Variants in METTL24 observed in about 807,000 individuals in gnomAD.
METTL24 encodes probable methyltransferase-like protein 24.
METTL24 carries 29 observed loss-of-function variants against 32.7 expected under a neutral mutation model. That is an observed-to-expected ratio of 0.89 (90% CI 0.66 to 1.21). METTL24 has a LOEUF of 1.21. Ranked by LOEUF, METTL24 falls within the 50% of genes most tolerant of loss-of-function variation. The pLI is 0.00. For missense variants in METTL24, 439 were observed against 468.1 expected (o/e 0.94, Z 0.57); for synonymous variants, 163 against 179.5 (o/e 0.91, Z 0.73).
intron 4 of METTL24, among the ~76,000 whole-genome samples, chr6:110,251,047 A>G (rs927857178): frequency 6.6e-6 from 1 of 152,238 alleles, no homozygotes; most frequent in African/African-American, 2.4e-5. Context: ...CCTTTTAAGT[A>G]AAGCCTAGCT....
chr6:110,349,794 T>C (rs1477949966), intron 1 of METTL24, among the ~76,000 whole-genome samples: 1 of 152,230 alleles, frequency 6.6e-6, no homozygotes, highest in East Asian at 1.9e-4. Context: ...CTCTAATTTA[T>C]TGGTCTGCCA....
At chr6:110,285,066 G>T (rs1771197669) in intron 4 of METTL24, among the ~76,000 whole-genome samples, 1 of 152,240 alleles carries the variant, frequency 6.6e-6, no homozygotes, top group Non-Finnish European at 1.5e-5. Flanking sequence ...GCAGGCATGT[G>T]CTATAAAACT....
At chr6:110,343,927 A>G (rs912624301) in intron 1 of METTL24, among the ~76,000 whole-genome samples, 3 of 152,206 alleles carry the variant, frequency 2.0e-5, no homozygotes, top group Non-Finnish European at 4.4e-5. Flanking sequence ...AAATTCAAAG[A>G]AAGATGACCA....
chr6:110,348,257 G>A (rs1748792229), intron 1 of METTL24, among the ~76,000 whole-genome samples: 1 of 152,194 alleles, frequency 6.6e-6, no homozygotes, highest in African/African-American at 2.4e-5. Context: ...AGTTCAGAGA[G>A]GATATGCCAC....
At chr6:110,337,651 T>C (rs1772264097) in intron 1 of METTL24, among the ~76,000 whole-genome samples, 1 of 152,098 alleles carries the variant, frequency 6.6e-6, no homozygotes, top group South Asian at 2.1e-4. Context: ...AGATAGACCA[T>C]AAGGAAATTC....
chr6:110,246,486 G>C (rs1171408463), intron 4 of METTL24, among the ~76,000 whole-genome samples: 1 of 152,154 alleles, frequency 6.6e-6, no homozygotes, highest in Admixed American at 6.5e-5. Context: ...GTCTCGATAT[G>C]TTGCCTAGGC....
chr6:110,269,405 A>G (rs1250706130), intron 4 of METTL24, among the ~76,000 whole-genome samples: 1 of 152,170 alleles, frequency 6.6e-6, no homozygotes. Context: ...ATTTCAGGAA[A>G]AGATCATTTC....
chr6:110,331,317 T>C (rs1431350319), intron 1 of METTL24, among the ~76,000 whole-genome samples: 1 of 151,590 alleles, frequency 6.6e-6, no homozygotes, highest in African/African-American at 2.4e-5. Context: ...GTCACTGATA[T>C]TCCAGAGGAG....
At chr6:110,308,711 T>C (rs1158266315) in intron 3 of METTL24, among the ~76,000 whole-genome samples, 1 of 152,156 alleles carries the variant, frequency 6.6e-6, no homozygotes, top group Non-Finnish European at 1.5e-5. Context: ...AATGAATGAA[T>C]AAATAAAATG....
At chr6:110,279,756 C>T (rs75305377) in intron 4 of METTL24, among the ~76,000 whole-genome samples, 5,496 of 152,210 alleles carry the variant, frequency 0.036, 331 homozygotes, top group African/African-American at 0.12. Flanking sequence ...ACCCAAATTG[C>T]CTTGACCCAA....
intron 1 of METTL24, among the ~76,000 whole-genome samples, chr6:110,339,277 G>A (rs369574788): frequency 2.0e-5 from 3 of 152,136 alleles, no homozygotes; most frequent in Admixed American, 6.6e-5. Context: ...CTCCCGCTAG[G>A]AGTCATTTGG....
In METTL24 at chr6:110,264,368, A is replaced by C. The variant is rs866820806; in HGVS notation, c.787-18108T>G. 3.6e-3 allele frequency among the ~76,000 whole-genome samples: 545 copies of C among 152,320 alleles called. 5 individuals are homozygous for C. Among genetic ancestry groups the C allele is most frequent in the African/African-American group, 0.011 (473 of 41,564 alleles). ...TTTATGCAGCCAAAAGACACATGAA[A>C]AAATGCTCATCATCACTGGCCATCA... On this transcript the variant is annotated intron_variant, in intron 4 of 4. Transcript: ENST00000338882.
intron 1 of METTL24, among the ~76,000 whole-genome samples, chr6:110,339,700 A>G (rs1391656590): frequency 6.6e-6 from 1 of 152,218 alleles, no homozygotes; most frequent in African/African-American, 2.4e-5. Context: ...GTTAAAATAG[A>G]TGGTCTATGT....
At chr6:110,293,194 C>G (rs1582405931) in intron 4 of METTL24, among the ~76,000 whole-genome samples, 1 of 151,970 alleles carries the variant, frequency 6.6e-6, no homozygotes, top group Non-Finnish European at 1.5e-5. Flanking sequence ...AAGGGTTAAT[C>G]ATTATGATGG....
At chr6:110,343,050 T>A (rs1450852853) in intron 1 of METTL24, among the ~76,000 whole-genome samples, 1 of 152,196 alleles carries the variant, frequency 6.6e-6, no homozygotes, top group African/African-American at 2.4e-5. Context: ...TTTTCAGTTG[T>A]CTTAGGTATA....
Position 110,298,965 on chromosome 6 carries a change from G to A in METTL24, c.743C>T (p.Thr248Ile), listed in dbSNP as rs549366004. ...ATTCAAAATGCTTCCCAGTTTTCTG[G>A]TGTTGCTATGTGGTTTTTGGGCAGC... The part of the protein sequence containing the change: ...AVAAQKPHSN[T>I]RKLGSILNEF... Residue 248 changes from threonine (T) to isoleucine (I), a missense_variant, in exon 4 of 5, where the codon ACC (threonine) becomes ATC (isoleucine). Transcript: ENST00000338882. 1 of 1,614,104 alleles carries A rather than the reference G, an allele frequency of 6.2e-7. No homozygotes were observed. Among genetic ancestry groups the A allele is most frequent in the South Asian group, 1.1e-5 (1 of 91,080 alleles).
rs1206062523 is a variant in METTL24 at position 110,251,711 on chromosome 6, C to G, written c.787-5451G>C. ...TTCAGAGATAGCATCACCTAAGTAT[C>G]CTCACATGGCAGAAAGGATGGAAGG... On this transcript the variant is annotated intron_variant, in intron 4 of 4. Transcript: ENST00000338882. Among the ~76,000 whole-genome samples, 4 of 152,140 alleles carry G rather than the reference C, an allele frequency of 2.6e-5. No individual in the cohort carries two copies. In the East Asian group the frequency reaches 7.7e-4, roughly 29 times the overall value.
rs192722316 is a variant in METTL24 at position 110,349,583 on chromosome 6, T to C, written c.318+8372A>G. On this transcript the variant is annotated intron_variant, in intron 1 of 4. Transcript: ENST00000338882. ...GCCATGAAAAAGGGCTTGGTGTTGA[T>C]TAAATTGAGTTGATCTAGTAATAAG... 7.9e-5 allele frequency among the ~76,000 whole-genome samples: 12 copies of C among 152,372 alleles called. No individual in the cohort carries two copies. In the East Asian group the frequency reaches 2.3e-3, roughly 29 times the overall value.
In METTL24 at chr6:110,267,863, A is replaced by G. The variant is rs1180457077; in HGVS notation, c.787-21603T>C. ...AGGCATGTCAAATGGCAAGAGAGGG[A>G]GCAAGAGAGGGCAAGGGGGTAGATC... On this transcript the variant is annotated intron_variant, in intron 4 of 4. Transcript: ENST00000338882. Among the ~76,000 whole-genome samples, 12 of 152,142 alleles carry G rather than the reference A, an allele frequency of 7.9e-5. No homozygotes were observed. The East Asian group carries it at 2.3e-3, about 29-fold the overall frequency.
Sources: gnomAD v4.1 joint callset for allele counts (sites outside exome capture counted in the v4.1 genomes callset) on GRCh38, gnomAD v4.1.1 for gene constraint, MANE v1.5 for transcripts, NCBI Gene and HGNC (gene_info 2026-07-23, HGNC 2026-07-21) for gene names.